Variants in ANKRD26 observed in about 807,000 individuals in gnomAD.
ANKRD26 encodes ankyrin repeat domain-containing protein 26.
In ANKRD26, 141 loss-of-function variants were observed where a neutral mutation model predicts 208.7. The ratio of observed to expected loss-of-function variants is 0.68; its 90% CI spans 0.59 to 0.78. The LOEUF (loss-of-function observed/expected upper bound fraction) is 0.78. Ranked by LOEUF, ANKRD26 falls within the 30% of genes least tolerant of loss-of-function variation. The probability of loss-of-function intolerance (pLI) is 0.00; values close to 1 mark genes in which losing one functional copy is unlikely to be tolerated. For synonymous variants in ANKRD26, 636 were observed against 660.4 expected (o/e 0.96, Z 0.57); for missense variants, 1,889 against 1,938.7 (o/e 0.97, Z 0.48).
At chr10:27,026,727 G>A (rs1413931027) in intron 27 of ANKRD26, among the ~76,000 whole-genome samples, 2 of 151,958 alleles carry the variant, frequency 1.3e-5, no homozygotes, top group African/African-American at 4.8e-5. Flanking sequence ...CACTAAATTG[G>A]TACATCAATA....
intron 1 of ANKRD26, among the ~76,000 whole-genome samples, chr10:27,097,512 T>C (rs557441015): frequency 6.6e-6 from 1 of 152,216 alleles, no homozygotes; most frequent in Admixed American, 6.5e-5. Flanking sequence ...ATAACAGGTA[T>C]TCAGGTTATG....
chr10:27,093,677 C>A lies in ANKRD26; in HGVS notation c.357+8G>T. 1 of 1,611,918 alleles carries A rather than the reference C, an allele frequency of 6.2e-7. No homozygotes were observed. ...CATCTGATGCTGAAAGAGCTGGCTA[C>A]TATATACCTTCATCAGAGCTGTCCT... On this transcript the variant is annotated splice_region_variant and intron_variant, in intron 2 of 33. Transcript: ENST00000376087.
At chr10:26,962,468 G>C in the ANKRD26 span, among the ~76,000 whole-genome samples, 1 of 151,940 alleles carries the variant, frequency 6.6e-6, no homozygotes. Context: ...CCAGCTACTC[G>C]GTAGGCTGAG....
intron 30 of ANKRD26, among the ~76,000 whole-genome samples, chr10:27,015,291 T>A (rs1293321950): frequency 6.6e-6 from 1 of 152,188 alleles, no homozygotes; most frequent in Non-Finnish European, 1.5e-5. Flanking sequence ...CATCAATACA[T>A]GCTGAGAAAA....
At chr10:27,063,921 T>A (rs1461950749) in intron 12 of ANKRD26, 67 bp downstream of exon 12, 4 of 1,273,408 alleles carry the variant, frequency 3.1e-6, no homozygotes, top group Admixed American at 3.6e-5. Flanking sequence ...TTAGAATATA[T>A]CAACAGTCAT....
intron 23 of ANKRD26, 84 bp downstream of exon 23, chr10:27,037,102 C>A: frequency 7.3e-7 from 1 of 1,366,962 alleles, no homozygotes; most frequent in South Asian, 1.3e-5. Flanking sequence ...TTCCAAGATG[C>A]ATATATAGTT....
chr10:27,011,606 A>G (rs890117589), intron 32 of ANKRD26, among the ~76,000 whole-genome samples: 1 of 152,188 alleles, frequency 6.6e-6, no homozygotes, highest in African/African-American at 2.4e-5. Flanking sequence ...GTGAAATCGT[A>G]AGGCTGGATT....
chr10:27,100,483 C>G lies in ANKRD26; in HGVS notation c.-157G>C, dbSNP rs949655876. 1.7e-6 allele frequency: 2 copies of G among 1,148,776 alleles called. No individual in the cohort carries two copies. Among genetic ancestry groups the G allele is most frequent in the Admixed American group, 2.8e-5 (1 of 36,174 alleles). 71.2% of individuals were successfully genotyped at this position (1,148,776 alleles called of 1,614,324 possible). ...CCCTCCGGGTTACCAAGCAAGCGAT[C>G]CCGCTAGACACAAGTGCGCATGCGC... On this transcript the variant is annotated 5_prime_UTR_variant, in exon 1 of 34. Transcript: ENST00000376087.
At chr10:27,046,656 A>G in intron 17 of ANKRD26, 133 bp from the exon 18 acceptor site, 1 of 856,338 alleles carries the variant, frequency 1.2e-6, no homozygotes, top group South Asian at 1.8e-5. Flanking sequence ...TAATTCTAAC[A>G]AAGAATAAAA....
exon 6 of ANKRD26, among the ~76,000 whole-genome samples, chr10:26,974,609 C>A (rs1026245505): frequency 2.6e-5 from 4 of 152,066 alleles, no homozygotes; most frequent in African/African-American, 9.7e-5. Context: ...CAAAGTGCTG[C>A]GATTACAGGC....
At chr10:27,045,485 C>A (rs1277181477) in intron 18 of ANKRD26, among the ~76,000 whole-genome samples, 1 of 151,164 alleles carries the variant, frequency 6.6e-6, no homozygotes, top group Non-Finnish European at 1.5e-5. Flanking sequence ...TAGCATAAGG[C>A]AACATGGTTT....
chr10:27,078,214 G>T (rs921041014), intron 7 of ANKRD26, among the ~76,000 whole-genome samples: 3 of 152,068 alleles, frequency 2.0e-5, no homozygotes, highest in Non-Finnish European at 4.4e-5. Context: ...AAAAATAAAT[G>T]ATTGTATAAA....
chr10:27,029,200 G>T, intron 26 of ANKRD26, 86 bp downstream of exon 26: 1 of 1,433,334 alleles, frequency 7.0e-7, no homozygotes, highest in South Asian at 1.2e-5. Flanking sequence ...ATGTACTTAT[G>T]ATCATAGCTG....
At chr10:27,098,117 CTTTT>C (rs1023876678) in intron 1 of ANKRD26, among the ~76,000 whole-genome samples, 29 of 152,010 alleles carry the variant, frequency 1.9e-4, no homozygotes, top group African/African-American at 2.9e-4. Flanking sequence ...TTTACTTTTT[CTTTT>C]TTTATTTTTA....
At chr10:26,981,415 G>A (rs372106973) in intron 4 of ANKRD26, among the ~76,000 whole-genome samples, 2 of 152,128 alleles carry the variant, frequency 1.3e-5, no homozygotes, top group Non-Finnish European at 2.9e-5. Flanking sequence ...GCTAACTTAC[G>A]TGTTCTTTTT....
intron 4 of ANKRD26, among the ~76,000 whole-genome samples, chr10:27,091,777 A>C (rs947851986): frequency 6.6e-6 from 1 of 152,186 alleles, no homozygotes; most frequent in Non-Finnish European, 1.5e-5. Flanking sequence ...TCACGAGGTC[A>C]GGAGTTCAAG....
At chr10:26,981,986 C>G (rs941846226) in intron 4 of ANKRD26, among the ~76,000 whole-genome samples, 1 of 152,182 alleles carries the variant, frequency 6.6e-6, no homozygotes, top group African/African-American at 2.4e-5. Flanking sequence ...GGAATCAGTC[C>G]TCCCAGACAT....
intron 11 of ANKRD26, among the ~76,000 whole-genome samples, chr10:27,064,463 G>A (rs2055169963): frequency 6.6e-6 from 1 of 152,064 alleles, no homozygotes; most frequent in Non-Finnish European, 1.5e-5. Flanking sequence ...TTCCGGTTCG[G>A]GGGATGCCTG....
chr10:27,086,414 A>C (rs2056116795), intron 5 of ANKRD26, 125 bp downstream of exon 5: 46 of 1,242,336 alleles, frequency 3.7e-5, no homozygotes, highest in Non-Finnish European at 4.9e-5. Flanking sequence ...AGAAATTAAG[A>C]AAAAATACAC....
Sources: allele counts gnomAD v4.1 joint callset (sites outside exome capture counted in the v4.1 genomes callset), GRCh38; gene constraint gnomAD v4.1.1; transcripts MANE v1.5; gene names NCBI Gene and HGNC (gene_info 2026-07-23, HGNC 2026-07-21).